BMPER: variants seen among roughly 807,000 people sequenced by gnomAD.
BMPER encodes BMP-binding endothelial regulator protein.
In BMPER, 45 loss-of-function variants were observed where a neutral mutation model predicts 87.3. The ratio of observed to expected loss-of-function variants is 0.52; its 90% CI spans 0.41 to 0.66. BMPER has a LOEUF of 0.66. BMPER is among the 30% of genes least tolerant of loss of function. The probability of loss-of-function intolerance (pLI) is 0.00; values close to 1 mark genes in which losing one functional copy is unlikely to be tolerated. For missense variants in BMPER, 784 were observed against 867.5 expected, an observed-to-expected ratio of 0.90 and a Z score of 1.21; for synonymous variants, 326 against 316.2, an observed-to-expected ratio of 1.03 and a Z score of -0.33.
At chr7:33,954,370 G>T (rs1299433998) in intron 3 of BMPER, among the ~76,000 whole-genome samples, 1 of 152,210 alleles carries the variant, frequency 6.6e-6, no homozygotes, top group Non-Finnish European at 1.5e-5. Context: ...AGAGCCACTG[G>T]CGTCTAATGT....
intron 3 of BMPER, among the ~76,000 whole-genome samples, chr7:33,960,037 A>G (rs1210849301): frequency 3.3e-5 from 5 of 152,166 alleles, no homozygotes; most frequent in Non-Finnish European, 5.9e-5. Flanking sequence ...CATTTTTTCT[A>G]TTGTCAATTA....
intron 5 of BMPER, among the ~76,000 whole-genome samples, chr7:33,970,901 G>C (rs1402587829): frequency 6.6e-6 from 1 of 152,088 alleles, no homozygotes; most frequent in Non-Finnish European, 1.5e-5. Flanking sequence ...CTTTTTTAGA[G>C]GGCCCTGCTT....
chr7:34,058,759 T>C (rs894825682), intron 10 of BMPER, among the ~76,000 whole-genome samples: 1 of 152,222 alleles, frequency 6.6e-6, no homozygotes, highest in African/African-American at 2.4e-5. Context: ...ATGAGGTTCA[T>C]TGAATTCACC....
chr7:33,961,936 G>T (rs141115043), intron 3 of BMPER, among the ~76,000 whole-genome samples: 291 of 152,222 alleles, frequency 1.9e-3, no homozygotes, highest in Non-Finnish European at 3.4e-3. Context: ...ATTCATAATG[G>T]TAAGATCCAG....
chr7:34,059,117 T>C (rs964994101), intron 10 of BMPER, among the ~76,000 whole-genome samples: 4 of 151,750 alleles, frequency 2.6e-5, no homozygotes, highest in Non-Finnish European at 4.4e-5. Flanking sequence ...GAAGATACAA[T>C]AAGTAGACTT....
Position 33,966,434 on chromosome 7 carries a change from T to A in BMPER, c.320-45T>A, listed in dbSNP as rs377103637. 3 of 1,519,722 alleles carry A rather than the reference T, an allele frequency of 2.0e-6. No homozygotes were observed. The African/African-American group carries it at 4.1e-5, about 21-fold the overall frequency. The allele number at this position is 1,519,722 out of a possible 1,614,324, so 94.1% of individuals were successfully genotyped here. A position where few individuals can be genotyped will look rare whatever the true frequency, so the allele number is the denominator to read the frequency against. ...TGCTCCAAAAGGTAAAGGAAACCCATACCCATTCTTGGCCTTTCTTCCTGC... is the reference window on the plus strand; with the variant it reads ...TGCTCCAAAAGGTAAAGGAAACCCAAACCCATTCTTGGCCTTTCTTCCTGC... On this transcript the variant is annotated intron_variant, in intron 3 of 14. Transcript: ENST00000649409.
chr7:34,061,435 A>G (rs1414614201), intron 10 of BMPER, among the ~76,000 whole-genome samples: 1 of 152,248 alleles, frequency 6.6e-6, no homozygotes, highest in East Asian at 1.9e-4. Flanking sequence ...TTGAGTGCAT[A>G]ACAGTGATTC....
At chr7:33,909,852 T>C (rs761805918) in intron 2 of BMPER, among the ~76,000 whole-genome samples, 9 of 152,252 alleles carry the variant, frequency 5.9e-5, no homozygotes, top group Non-Finnish European at 1.3e-4. Context: ...TTTTAAGCTG[T>C]GAAATGTTTC....
intron 2 of BMPER, among the ~76,000 whole-genome samples, chr7:33,920,575 A>G (rs1465737399): frequency 6.6e-6 from 1 of 151,600 alleles, no homozygotes; most frequent in Non-Finnish European, 1.5e-5. Flanking sequence ...ACAGGTGCAC[A>G]CCACCACGCC....
chr7:33,980,554 G>A (rs1180491115), intron 6 of BMPER, among the ~76,000 whole-genome samples: 1 of 152,162 alleles, frequency 6.6e-6, no homozygotes, highest in African/African-American at 2.4e-5. Flanking sequence ...CTTCAATGTT[G>A]TGAGACTAAA....
intron 13 of BMPER, among the ~76,000 whole-genome samples, chr7:34,096,258 G>C (rs1377577763): frequency 6.6e-6 from 1 of 152,180 alleles, no homozygotes; most frequent in Non-Finnish European, 1.5e-5. Flanking sequence ...GCATTATGAG[G>C]CCAGCATCAT....
At chr7:34,083,565 G>A (rs1436457537) in intron 12 of BMPER, among the ~76,000 whole-genome samples, 2 of 152,144 alleles carry the variant, frequency 1.3e-5, no homozygotes, top group East Asian at 1.9e-4. Context: ...GTTTTAGACT[G>A]TGGGTTATTC....
chr7:34,006,511 A>G (rs1786737562), intron 6 of BMPER, among the ~76,000 whole-genome samples: 1 of 152,080 alleles, frequency 6.6e-6, no homozygotes, highest in Non-Finnish European at 1.5e-5. Flanking sequence ...CAATCAGAGC[A>G]AAATTTGATG....
intron 13 of BMPER, among the ~76,000 whole-genome samples, chr7:34,119,014 TCA>T (rs138792693): frequency 0.064 from 8,658 of 135,746 alleles, 674 homozygotes; most frequent in African/African-American, 0.19. Context: ...TCTCTCTCTC[TCA>T]CACACACACA....
intron 6 of BMPER, among the ~76,000 whole-genome samples, 174 bp downstream of exon 6, chr7:33,974,958 A>G (rs759784624): frequency 1.3e-5 from 2 of 152,060 alleles, no homozygotes; most frequent in South Asian, 4.2e-4. Context: ...AGCACTACTG[A>G]CATTCTGGGC....
At chr7:34,013,389 A>G (rs967617099) in intron 6 of BMPER, among the ~76,000 whole-genome samples, 7 of 151,640 alleles carry the variant, frequency 4.6e-5, no homozygotes, top group East Asian at 2.0e-4. Flanking sequence ...TCAAGCTTCT[A>G]TTGTCTCTCA....
At chr7:34,037,580 A>C (rs1477641380) in intron 6 of BMPER, among the ~76,000 whole-genome samples, 1 of 152,204 alleles carries the variant, frequency 6.6e-6, no homozygotes, top group African/African-American at 2.4e-5. Flanking sequence ...CCTGGGCCAG[A>C]GGGTGCCTGG....
intron 13 of BMPER, among the ~76,000 whole-genome samples, chr7:34,127,773 A>G (rs1790444198): frequency 1.3e-5 from 2 of 152,020 alleles, no homozygotes; most frequent in Admixed American, 6.6e-5. Context: ...TCCTATCTCA[A>G]TGCTTTATGT....
intron 13 of BMPER, among the ~76,000 whole-genome samples, chr7:34,118,831 C>G (rs1790183276): frequency 6.6e-6 from 1 of 152,120 alleles, no homozygotes; most frequent in Non-Finnish European, 1.5e-5. Context: ...AGGCTAACCT[C>G]TCTCAAACAA....
Sources: allele counts gnomAD v4.1 joint callset (sites outside exome capture counted in the v4.1 genomes callset), GRCh38; gene constraint gnomAD v4.1.1; transcripts MANE v1.5; gene names NCBI Gene and HGNC (gene_info 2026-07-23, HGNC 2026-07-21).